Variants in HTT observed in about 807,000 individuals in gnomAD.
HTT encodes the protein huntington disease protein.
A neutral mutation model predicts 362.3 loss-of-function variants in HTT; 104 were observed. The observed-to-expected ratio is 0.29, with a 90% CI of 0.24 to 0.34. The LOEUF (loss-of-function observed/expected upper bound fraction) is 0.34, where lower values mean the gene tolerates loss of function less well. HTT is among the 10% of genes least tolerant of loss of function. HTT has a pLI of 1.00. For synonymous variants in HTT, 1,577 were observed against 1,548.7 expected, an observed-to-expected ratio of 1.02 and a Z score of -0.43; for missense variants, 3,301 against 3,928.6, an observed-to-expected ratio of 0.84 and a Z score of 4.27.
At chr4:3,234,016 A>G (rs1721397473) in intron 61 of HTT, among the ~76,000 whole-genome samples, 2 of 152,220 alleles carry the variant, frequency 1.3e-5, no homozygotes, top group Admixed American at 6.5e-5. Context: ...GAATTTCATC[A>G]GCCACCCACA....
rs188838907 is a variant in HTT at position 3,213,087 on chromosome 4, G to A, written c.6774+378G>A. On this transcript the variant is annotated intron_variant, in intron 49 of 66. Coordinates refer to ENST00000355072, the MANE Select transcript of HTT (RefSeq NM_001388492.1). The stretch of plus-strand genomic sequence containing the variant: ...AGTGCTTGTAATTCGCCCCCAGAAT[G>A]TGTACACGTTCTGGATGCATTAAAG... 79 of 227,588 alleles carry A rather than the reference G, an allele frequency of 3.5e-4. 2 individuals carry two copies. Among genetic ancestry groups the A allele is most frequent in the Admixed American group, 1.1e-3 (22 of 19,714 alleles). The allele number at this position is 227,588 out of a possible 1,614,324, so 14.1% of individuals were successfully genotyped here.
chr4:3,148,925 C>G (rs538117098), intron 26 of HTT, among the ~76,000 whole-genome samples: 1 of 152,334 alleles, frequency 6.6e-6, no homozygotes, highest in African/African-American at 2.4e-5. Flanking sequence ...CCGCTGCACT[C>G]CAGCCTGGGT....
intron 7 of HTT, among the ~76,000 whole-genome samples, chr4:3,115,791 C>T (rs1714992114): frequency 1.3e-5 from 2 of 152,194 alleles, no homozygotes; most frequent in African/African-American, 4.8e-5. Context: ...GACAGTTTCT[C>T]CTGTTGTTTG....
At chr4:3,136,696 A>C (rs761636414) in intron 21 of HTT, among the ~76,000 whole-genome samples, 1 of 152,180 alleles carries the variant, frequency 6.6e-6, no homozygotes, top group Non-Finnish European at 1.5e-5. Context: ...ATCAGGTCAA[A>C]ATTACATGCA....
At position 3,172,974 on chromosome 4, in the gene HTT, A is replaced by C. The variant is rs1053376215; in HGVS notation, c.4009A>C (p.Lys1337Gln). ...QFDGLSSNPS[K>Q]SQGRAQRLGS... ...TGATGGCTTATCTTCCAACCCCAGC[A>C]AGTCACAAGGCCGAGCACAGCGCCT... The change falls in exon 31 of 67, where the codon AAG becomes CAG. Residue 1337 changes from lysine to glutamine, a missense_variant. Transcript: ENST00000355072. The C allele has an allele frequency of 1.2e-6, 2 of 1,614,076 alleles. No individual in the cohort carries two copies. The highest frequency in any genetic ancestry group is 2.7e-5 in the African/African-American group (2 of 74,930).
chr4:3,186,583 G>T lies in HTT; in HGVS notation c.4867-14G>T. 1 of 1,609,814 alleles carries T rather than the reference G, an allele frequency of 6.2e-7. No individual in the cohort carries two copies. Among genetic ancestry groups the T allele is most frequent in the Non-Finnish European group, 8.5e-7 (1 of 1,177,150 alleles). On this transcript the variant is annotated splice_polypyrimidine_tract_variant and intron_variant, in intron 37 of 66. Coordinates refer to ENST00000355072, the MANE Select transcript of HTT (RefSeq NM_001388492.1). ...TGGCTTACGTAGAAATGTTTGTGGT[G>T]TCTAATTCCACAGATGCACATTGAC... is the stretch of plus-strand genomic sequence containing the variant.
chr4:3,223,303 G>T (rs780974138), intron 54 of HTT, 103 bp from the exon 55 acceptor site: 39 of 1,164,802 alleles, frequency 3.3e-5, no homozygotes, highest in Non-Finnish European at 4.4e-5. Flanking sequence ...AGCACTTAAG[G>T]CTCCTCTTCC....
At chr4:3,152,584 C>T (rs1023027575) in intron 26 of HTT, among the ~76,000 whole-genome samples, 4 of 152,200 alleles carry the variant, frequency 2.6e-5, no homozygotes, top group Non-Finnish European at 5.9e-5. Flanking sequence ...AACCTGCCTT[C>T]TGTCTCTGTG....
intron 2 of HTT, among the ~76,000 whole-genome samples, chr4:3,099,062 A>G (rs778280793): frequency 1.4e-5 from 2 of 147,370 alleles, no homozygotes; most frequent in Non-Finnish European, 3.1e-5. Flanking sequence ...AGTTATTATC[A>G]TCCTAATTTA....
chr4:3,193,125 G>A (rs566712235), intron 40 of HTT, among the ~76,000 whole-genome samples: 4 of 152,352 alleles, frequency 2.6e-5, no homozygotes, highest in African/African-American at 4.8e-5. Context: ...GCAGGATGCC[G>A]GTAGGGCCCG....
rs769904496 is a variant in HTT, at chr4:3,214,005, T to A, written c.6822T>A (p.Asp2274Glu). 6.2e-7 allele frequency: 1 copy of A among 1,604,246 alleles called. No individual in the cohort carries two copies. Among genetic ancestry groups the A allele is most frequent in the East Asian group, 2.3e-5 (1 of 44,192 alleles). ...LIHEQIPLSLDLQAGLDCCCL... is the reference protein window; with the variant it reads ...LIHEQIPLSLELQAGLDCCCL... ...ATGAGCAGATCCCGCTGAGTCTGGA[T>A]CTCCAGGCAGGGCTGGACTGCTGCT... Residue 2274 changes from aspartate (D) to glutamate (E), a missense_variant, in exon 50 of 67, where the codon GAT (aspartate) becomes GAA (glutamate). Physicochemically the swap from Asp to Glu is conservative, Grantham distance 45. This residue lies in a region of HTT where 220 missense variants were observed against 218.5 expected (regional missense o/e 1.01). Transcript: ENST00000355072.
chr4:3,220,887 T>C (rs1256332877), intron 53 of HTT, among the ~76,000 whole-genome samples: 3 of 152,194 alleles, frequency 2.0e-5, no homozygotes, highest in Admixed American at 6.5e-5. Context: ...AGTTTTGTCA[T>C]ATGTAAAATG....
chr4:3,172,790 C>T lies in HTT; in HGVS notation c.3943-118C>T, dbSNP rs530776656. The T allele has an allele frequency of 5.1e-5, 38 of 747,332 alleles. 1 individual carries two copies. Among genetic ancestry groups the T allele is most frequent in the Middle Eastern group, 2.3e-4 (1 of 4,290 alleles). 46.3% of individuals were successfully genotyped at this position (747,332 alleles called of 1,614,324 possible). On this transcript the variant is annotated intron_variant, in intron 30 of 66. Coordinates refer to ENST00000355072, the MANE Select transcript of HTT (RefSeq NM_001388492.1). ...ATAGTGATTCACAGGAAGAATTTCA[C>T]GCTGTGAGTCTTTGCTAACATATCC...
intron 40 of HTT, among the ~76,000 whole-genome samples, chr4:3,198,191 C>A (rs1560589519): frequency 6.7e-6 from 1 of 148,562 alleles, no homozygotes; most frequent in Non-Finnish European, 1.5e-5. Flanking sequence ...TGTTTTAGGA[C>A]CCTTTCACTT....
intron 2 of HTT, among the ~76,000 whole-genome samples, chr4:3,096,921 C>G (rs1560545593): frequency 6.6e-6 from 1 of 152,134 alleles, no homozygotes; most frequent in African/African-American, 2.4e-5. Context: ...CAGTTGAAGA[C>G]CAGCCTGGGC....
intron 8 of HTT, among the ~76,000 whole-genome samples, chr4:3,120,364 GTAAT>G (rs1465928763): frequency 2.6e-5 from 4 of 152,140 alleles, no homozygotes; most frequent in Non-Finnish European, 5.9e-5. Context: ...TCTGGCAACT[GTAAT>G]TAAAGGGAAA....
At chr4:3,080,246 C>G (rs1351859821) in intron 1 of HTT, among the ~76,000 whole-genome samples, 1 of 151,876 alleles carries the variant, frequency 6.6e-6, no homozygotes, top group Non-Finnish European at 1.5e-5. Context: ...AGGCGTATAC[C>G]ACCATGCCCA....
chr4:3,229,427 A>AC (rs1248597652), intron 59 of HTT, among the ~76,000 whole-genome samples: 1 of 140,690 alleles, frequency 7.1e-6, no homozygotes, highest in Non-Finnish European at 1.5e-5. Context: ...CACAGCACAC[A>AC]ACCACACACA....
At chr4:3,095,354 G>A (rs538199638) in intron 2 of HTT, among the ~76,000 whole-genome samples, 14 of 152,326 alleles carry the variant, frequency 9.2e-5, no homozygotes, top group African/African-American at 1.4e-4. Flanking sequence ...GCGAAACCCC[G>A]TCTCCACCAA....
Sources: allele counts gnomAD v4.1 joint callset (sites outside exome capture counted in the v4.1 genomes callset), GRCh38; gene constraint gnomAD v4.1.1; regional missense constraint gnomAD v4.1.1; transcripts MANE v1.5; gene names NCBI Gene and HGNC (gene_info 2026-07-23, HGNC 2026-07-21).